DOCK5: variants seen among roughly 807,000 people sequenced by gnomAD.
DOCK5 encodes the protein dedicator of cytokinesis protein 5.
DOCK5 carries 142 observed loss-of-function variants against 251.8 expected under a neutral mutation model. The ratio of observed to expected loss-of-function variants is 0.56; its 90% CI spans 0.49 to 0.65. The LOEUF (loss-of-function observed/expected upper bound fraction) is 0.65. Ranked by LOEUF, DOCK5 falls within the 30% of genes least tolerant of loss-of-function variation. DOCK5 has a pLI of 0.00. For synonymous variants in DOCK5, 842 were observed against 835.5 expected (o/e 1.01, Z -0.13); for missense variants, 2,111 against 2,312.3 (o/e 0.91, Z 1.79).
At chr8:25,185,669 G>A (rs1801412916) in intron 1 of DOCK5, among the ~76,000 whole-genome samples, 1 of 152,164 alleles carries the variant, frequency 6.6e-6, no homozygotes, top group South Asian at 2.1e-4. Flanking sequence ...GACGAGAAGA[G>A]GACATTTTAT....
At chr8:25,314,423 C>T (rs1312063735) in intron 13 of DOCK5, among the ~76,000 whole-genome samples, 1 of 151,934 alleles carries the variant, frequency 6.6e-6, no homozygotes, top group African/African-American at 2.4e-5. Context: ...TCAGCCCCTC[C>T]TTGCTTTAAT....
chr8:25,238,499 C>T (rs1033055722), intron 1 of DOCK5, among the ~76,000 whole-genome samples: 2 of 152,148 alleles, frequency 1.3e-5, no homozygotes, highest in African/African-American at 4.8e-5. Context: ...GTGCTTTTGC[C>T]CAGAGACATG....
intron 11 of DOCK5, among the ~76,000 whole-genome samples, chr8:25,307,737 C>G (rs1017092859): frequency 6.6e-6 from 1 of 152,144 alleles, no homozygotes; most frequent in African/African-American, 2.4e-5. Flanking sequence ...TAATCCGTGC[C>G]TTGAGTCCCT....
intron 1 of DOCK5, among the ~76,000 whole-genome samples, chr8:25,231,561 A>G (rs1417075097): frequency 1.3e-5 from 2 of 152,200 alleles, no homozygotes; most frequent in Non-Finnish European, 2.9e-5. Flanking sequence ...AAACTCACAT[A>G]TTAGTTGTAG....
At chr8:25,233,742 T>C (rs1206247814) in intron 1 of DOCK5, among the ~76,000 whole-genome samples, 2 of 151,964 alleles carry the variant, frequency 1.3e-5, no homozygotes, top group Admixed American at 1.3e-4. Flanking sequence ...AGATATTTTT[T>C]AGTGCTTCAC....
intron 27 of DOCK5, among the ~76,000 whole-genome samples, chr8:25,354,750 A>G (rs1214244083): frequency 6.6e-6 from 1 of 152,250 alleles, no homozygotes; most frequent in Non-Finnish European, 1.5e-5. Flanking sequence ...AAGAATGGTT[A>G]AATATTAGGA....
chr8:25,256,334 T>C (rs1248581845), intron 2 of DOCK5, among the ~76,000 whole-genome samples: 2 of 152,166 alleles, frequency 1.3e-5, no homozygotes, highest in African/African-American at 4.8e-5. Context: ...TTTTCACCAA[T>C]GCCAGTGTAA....
intron 26 of DOCK5, among the ~76,000 whole-genome samples, chr8:25,350,190 A>G (rs1240665972): frequency 6.6e-6 from 1 of 152,212 alleles, no homozygotes; most frequent in African/African-American, 2.4e-5. Flanking sequence ...TACACGCTGG[A>G]TAAGTACAGT....
chr8:25,257,794 G>A (rs1402579303), intron 2 of DOCK5, among the ~76,000 whole-genome samples: 5 of 152,086 alleles, frequency 3.3e-5, no homozygotes, highest in Non-Finnish European at 7.3e-5. Flanking sequence ...TCTCTCATTC[G>A]TCTTTCGAAG....
At chr8:25,342,984 C>T (rs1235629296) in intron 25 of DOCK5, among the ~76,000 whole-genome samples, 1 of 151,822 alleles carries the variant, frequency 6.6e-6, no homozygotes, top group African/African-American at 2.4e-5. Context: ...GGATTACAGG[C>T]GTGAGCCACC....
Position 25,299,058 on chromosome 8 carries a change from T to C in DOCK5, c.721T>C (p.Leu241=), listed in dbSNP as rs747564944. ...CTGCAACATCGGGGAAGATGCAGAG[T>C]TGTTTATGGCCCTCTACGACCCAGA... The part of the protein sequence containing the change: ...FVCNIGEDAE[L]FMALYDPDQS... Residue 241 remains leucine, a synonymous_variant, in exon 8 of 52, where the codon TTG becomes CTG. Transcript: ENST00000276440. 6.2e-7 allele frequency: 1 copy of C among 1,613,720 alleles called. No individual in the cohort carries two copies. The highest frequency in any genetic ancestry group is 1.7e-5 in the Admixed American group (1 of 59,988).
intron 1 of DOCK5, among the ~76,000 whole-genome samples, chr8:25,207,893 G>A (rs945265229): frequency 2.6e-5 from 4 of 152,160 alleles, no homozygotes; most frequent in African/African-American, 7.2e-5. Flanking sequence ...TACGCTGATG[G>A]TTCTAGGTGT....
chr8:25,380,428 C>T, intron 39 of DOCK5, 34 bp downstream of exon 39: 2 of 1,543,262 alleles, frequency 1.3e-6, no homozygotes, highest in Non-Finnish European at 1.8e-6. Context: ...AGGCCTCTGA[C>T]AGGGTTGCTA....
chr8:25,375,816 G>A, intron 37 of DOCK5: 1 of 985,244 alleles, frequency 1.0e-6, no homozygotes, highest in Non-Finnish European at 1.2e-6. Flanking sequence ...TTGTATAATG[G>A]ACTGGGCCTG....
In DOCK5 at chr8:25,391,103, C is replaced by T. The variant is rs549001639; in HGVS notation, c.4356-793C>T. ...TCAACTAGGCTGGCATGCAGTGGCA[C>T]GATCATAGCCCACTGCAACTTCAAA... On this transcript the variant is annotated intron_variant, in intron 42 of 51. Transcript: ENST00000276440. Among the ~76,000 whole-genome samples, 29 of 152,142 alleles carry T rather than the reference C, an allele frequency of 1.9e-4. No homozygotes were observed. In the East Asian group the frequency reaches 3.1e-3, roughly 16 times the overall value.
At chr8:25,219,906 GTGTCATT>G (rs547276390) in intron 1 of DOCK5, among the ~76,000 whole-genome samples, 229 of 151,880 alleles carry the variant, frequency 1.5e-3, no homozygotes, top group Non-Finnish European at 2.8e-3. Context: ...AAACTGTCTT[GTGTCATT>G]TAAGATAATA....
At chr8:25,197,924 G>C (rs903382615) in intron 1 of DOCK5, among the ~76,000 whole-genome samples, 62 of 151,812 alleles carry the variant, frequency 4.1e-4, no homozygotes, top group African/African-American at 1.5e-3. Context: ...CTAATTTTTT[G>C]CATTTTTAGT....
At chr8:25,351,571 T>C (rs898915328) in intron 26 of DOCK5, 160 bp from the exon 27 acceptor site, 2 of 593,084 alleles carry the variant, frequency 3.4e-6, no homozygotes, top group Admixed American at 3.0e-5. Flanking sequence ...CATAAAGTTA[T>C]ATATTATTCT....
At position 25,254,602 on chromosome 8, in the gene DOCK5, C is replaced by T. The variant is rs138818888; in HGVS notation, c.127+10845C>T. Among the ~76,000 whole-genome samples, 634 of 151,414 alleles carry T rather than the reference C, an allele frequency of 4.2e-3. 2 individuals are homozygous for T. The highest frequency in any genetic ancestry group is 0.015 in the African/African-American group (600 of 41,236). ...CATCCTGGCCAACATGGTGAAACCC[C>T]GTCTCTACTAAAAATGCTAAAAATT... On this transcript the variant is annotated intron_variant, in intron 2 of 51. Coordinates refer to ENST00000276440, the MANE Select transcript of DOCK5 (RefSeq NM_024940.8).
Sources: allele counts gnomAD v4.1 joint callset (sites outside exome capture counted in the v4.1 genomes callset), GRCh38; gene constraint gnomAD v4.1.1; transcripts MANE v1.5; gene names NCBI Gene and HGNC (gene_info 2026-07-23, HGNC 2026-07-21).